CNOT6: variants seen among roughly 807,000 people sequenced by gnomAD.
CNOT6 encodes carbon catabolite repression 4 protein.
Under a neutral mutation model 61.2 loss-of-function variants are expected in CNOT6, and 12 were observed. The ratio of observed to expected loss-of-function variants is 0.20; its 90% CI spans 0.13 to 0.32. The LOEUF is 0.32. CNOT6 is among the 10% of genes least tolerant of loss of function. CNOT6 has a pLI of 1.00. For missense variants in CNOT6, 405 were observed against 663.9 expected (o/e 0.61, Z 4.28); for synonymous variants, 225 against 240.6 (o/e 0.94, Z 0.60).
At chr5:180,568,087 A>G (rs1760553693) in intron 9 of CNOT6, 84 bp downstream of exon 9, 1 of 1,394,666 alleles carries the variant, frequency 7.2e-7, no homozygotes, top group Non-Finnish European at 9.7e-7. Flanking sequence ...TTCATTGTGT[A>G]TTCATGGTCT....
In CNOT6 at chr5:180,574,165, C is replaced by T; in HGVS notation, c.1639C>T (p.Gln547Ter). The change falls in exon 12 of 12, where the codon CAA becomes TAA. Residue 547 changes from glutamine (Q) to a stop codon, truncating the protein, a stop_gained. Transcript: ENST00000261951. LOFTEE classifies it high-confidence loss of function. ...QLELLLPFLP[Q>*]VNGIHLPGRR ...GGAGCTCTTACTGCCTTTCCTGCCCCAAGTCAACGGCATCCACCTTCCTGG... is the reference window on the plus strand; with the variant it reads ...GGAGCTCTTACTGCCTTTCCTGCCCTAAGTCAACGGCATCCACCTTCCTGG... The T allele has an allele frequency of 6.2e-7, 1 of 1,614,096 alleles. No homozygotes were observed. The highest frequency in any genetic ancestry group is 8.5e-7 in the Non-Finnish European group (1 of 1,180,014).
intron 1 of CNOT6, among the ~76,000 whole-genome samples, chr5:180,505,433 A>G (rs1005126916): frequency 2.6e-5 from 3 of 114,998 alleles, no homozygotes; most frequent in Non-Finnish European, 3.6e-5. Flanking sequence ...TTTTTTTTGT[A>G]TTTTTAGTAG....
chr5:180,528,135 G>A (rs1561642063), intron 1 of CNOT6, among the ~76,000 whole-genome samples: 1 of 151,808 alleles, frequency 6.6e-6, no homozygotes, highest in Non-Finnish European at 1.5e-5. Context: ...ACACTTAATG[G>A]TTTTATTAAC....
rs1162688436 is a variant in CNOT6, at chr5:180,567,857, T to C, written c.881T>C (p.Leu294Ser). The change falls in exon 9 of 12, where the codon TTG becomes TCG. Residue 294 changes from leucine to serine, a missense_variant. This residue lies in a region of CNOT6 where 24 missense variants were observed against 85.2 expected (regional missense o/e 0.28). Coordinates refer to ENST00000261951, the MANE Select transcript of CNOT6 (RefSeq NM_001370472.1). ...TGTTGTTTTTGTTTTAGATTTACTT[T>C]GGTTCAGAAACACACTGTTGAATTT... ...AIFFKTEKFT[L>S]VQKHTVEFNQ... 4.3e-6 allele frequency: 7 copies of C among 1,614,180 alleles called. No individual in the cohort carries two copies. Among genetic ancestry groups the C allele is most frequent in the Non-Finnish European group, 5.9e-6 (7 of 1,180,024 alleles).
At chr5:180,535,305 A>G (rs1329585625) in intron 2 of CNOT6, among the ~76,000 whole-genome samples, 1 of 152,118 alleles carries the variant, frequency 6.6e-6, no homozygotes, top group Non-Finnish European at 1.5e-5. Flanking sequence ...TAACTTTTTC[A>G]CCTTTTTCGC....
chr5:180,510,504 A>G (rs574729789), intron 1 of CNOT6, among the ~76,000 whole-genome samples: 18 of 152,318 alleles, frequency 1.2e-4, no homozygotes, highest in South Asian at 1.0e-3. Context: ...CTAGAGGCAC[A>G]GGCACATATT....
intron 1 of CNOT6, among the ~76,000 whole-genome samples, chr5:180,517,840 C>T (rs1436319824): frequency 6.6e-6 from 1 of 152,206 alleles, no homozygotes; most frequent in African/African-American, 2.4e-5. Flanking sequence ...CTGCGCCTGG[C>T]CGAGTAGACC....
At chr5:180,552,515 A>C (rs7379383) in intron 3 of CNOT6, among the ~76,000 whole-genome samples, 74 of 151,294 alleles carry the variant, frequency 4.9e-4, no homozygotes, top group African/African-American at 1.7e-3. Flanking sequence ...GTGTGGTGGC[A>C]GGCACCTGTA....
At chr5:180,541,518 C>G (rs925753576) in intron 2 of CNOT6, among the ~76,000 whole-genome samples, 10 of 125,294 alleles carry the variant, frequency 8.0e-5, no homozygotes, top group African/African-American at 2.8e-4. Flanking sequence ...GTGGTGCAAT[C>G]TTGGCTCACT....
intron 2 of CNOT6, among the ~76,000 whole-genome samples, chr5:180,531,391 G>A (rs1020191510): frequency 5.9e-5 from 9 of 151,700 alleles, no homozygotes; most frequent in East Asian, 3.9e-4. Flanking sequence ...CACACGGGGC[G>A]GCGGGGCAGA....
At chr5:180,549,661 G>A (rs1759500478) in intron 2 of CNOT6, among the ~76,000 whole-genome samples, 1 of 151,952 alleles carries the variant, frequency 6.6e-6, no homozygotes, top group African/African-American at 2.4e-5. Context: ...AAAAAAAAAG[G>A]ATAAATTATT....
chr5:180,510,572 G>T (rs1245122448), intron 1 of CNOT6, among the ~76,000 whole-genome samples: 1 of 152,182 alleles, frequency 6.6e-6, no homozygotes, highest in Non-Finnish European at 1.5e-5. Context: ...ATATATTAAA[G>T]AATGTGGTAG....
rs112939981 is a variant in CNOT6 at position 180,560,631 on chromosome 5, G to A, written c.386-3858G>A. On this transcript the variant is annotated intron_variant, in intron 4 of 11. Transcript: ENST00000261951. Reference sequence around the variant, plus strand: ...TGCAGGTAAGGTGTCATTTTTCTCCGGCTGCTTTCAAGATGTTTTTTCTTT... The same window carrying A: ...TGCAGGTAAGGTGTCATTTTTCTCCAGCTGCTTTCAAGATGTTTTTTCTTT... Among the ~76,000 whole-genome samples, 937 of 152,038 alleles carry A rather than the reference G, an allele frequency of 6.2e-3. 10 individuals carry two copies. Among genetic ancestry groups the A allele is most frequent in the African/African-American group, 0.022 (903 of 41,456 alleles).
At chr5:180,509,803 A>G (rs546964635) in intron 1 of CNOT6, among the ~76,000 whole-genome samples, 180 of 146,938 alleles carry the variant, frequency 1.2e-3, no homozygotes, top group African/African-American at 4.2e-3. Context: ...ACCGTGGCCT[A>G]GTAAGACCTT....
chr5:180,498,803 GT>G (rs1756735253), intron 1 of CNOT6, among the ~76,000 whole-genome samples: 1 of 152,124 alleles, frequency 6.6e-6, no homozygotes, highest in Admixed American at 6.6e-5. Context: ...CTTTGAATCT[GT>G]TTTCTTCTTT....
At chr5:180,510,393 G>C (rs35938171) in intron 1 of CNOT6, among the ~76,000 whole-genome samples, 1 of 152,086 alleles carries the variant, frequency 6.6e-6, no homozygotes, top group Non-Finnish European at 1.5e-5. Context: ...GGAGGCAGCA[G>C]ATTTTGGGTT....
In CNOT6 at chr5:180,529,349, A is replaced by G; in HGVS notation, c.73A>G (p.Asn25Asp). 1.9e-6 allele frequency: 3 copies of G among 1,613,216 alleles called. No homozygotes were observed. Among genetic ancestry groups the G allele is most frequent in the Non-Finnish European group, 2.5e-6 (3 of 1,179,286 alleles). The change falls in exon 2 of 12, where the codon AAT (asparagine) becomes GAT (aspartate). Residue 25 changes from asparagine (N) to aspartate (D), a missense_variant. Asn to Asp is a conservative substitution (Grantham distance 23, BLOSUM62 1). Transcript: ENST00000261951. ...AATTATGTCTTCTGAGGAAGCAGCA[A>G]ATGGAAAGAAATCCCACTGGGCAGA... ...YTIMSSEEAA[N>D]GKKSHWAELE...
chr5:180,566,807 C>G (rs917444059), intron 7 of CNOT6, among the ~76,000 whole-genome samples: 1 of 151,776 alleles, frequency 6.6e-6, no homozygotes, highest in Non-Finnish European at 1.5e-5. Flanking sequence ...CATGCACCAC[C>G]ATGCCTGGCT....
chr5:180,508,568 C>A (rs1303858797), intron 1 of CNOT6, among the ~76,000 whole-genome samples: 3 of 152,224 alleles, frequency 2.0e-5, no homozygotes, highest in South Asian at 2.1e-4. Context: ...CCTCAGCCTC[C>A]CAAAGTGCTG....
Sources: gnomAD v4.1 joint callset for allele counts (sites outside exome capture counted in the v4.1 genomes callset) on GRCh38, gnomAD v4.1.1 for gene constraint, gnomAD v4.1.1 regional missense constraint, MANE v1.5 for transcripts, NCBI Gene and HGNC (gene_info 2026-07-23, HGNC 2026-07-21) for gene names.